CYP7B1: variants seen among roughly 807,000 people sequenced by gnomAD.
The protein encoded by CYP7B1 is cytochrome P450 family 7 subfamily B member 1.
Under a neutral mutation model 42.7 loss-of-function variants are expected in CYP7B1, and 29 were observed. The ratio of observed to expected loss-of-function variants is 0.68; its 90% CI spans 0.51 to 0.93. The LOEUF (loss-of-function observed/expected upper bound fraction) is 0.93. Ranked by LOEUF, CYP7B1 falls within the 40% of genes least tolerant of loss-of-function variation. CYP7B1 has a pLI of 0.00. For missense variants in CYP7B1, 655 were observed against 600.5 expected (o/e 1.09, Z -0.95); for synonymous variants, 235 against 218.2 (o/e 1.08, Z -0.68).
chr8:64,612,121 T>A (rs1563542303), intron 4 of CYP7B1, among the ~76,000 whole-genome samples: 1 of 152,104 alleles, frequency 6.6e-6, no homozygotes, highest in East Asian at 1.9e-4. Flanking sequence ...ATCTTTGTCT[T>A]TCTGAATTAT....
chr8:64,690,879 T>C (rs1806729417), intron 1 of CYP7B1, among the ~76,000 whole-genome samples: 1 of 152,176 alleles, frequency 6.6e-6, no homozygotes, highest in African/African-American at 2.4e-5. Context: ...ACATAAGCAA[T>C]CAGTTTTATG....
chr8:64,722,866 C>A (rs1452370469), intron 1 of CYP7B1, among the ~76,000 whole-genome samples: 2 of 150,744 alleles, frequency 1.3e-5, no homozygotes, highest in Non-Finnish European at 3.0e-5. Context: ...GAAGCCTGAT[C>A]AATCTGTCTT....
intron 1 of CYP7B1, among the ~76,000 whole-genome samples, chr8:64,708,122 G>A (rs1807027134): frequency 6.6e-6 from 1 of 152,134 alleles, no homozygotes; most frequent in Non-Finnish European, 1.5e-5. Flanking sequence ...TCACTGCCCA[G>A]TCATCTGTAT....
At chr8:64,610,543 C>T (rs1200899644) in intron 4 of CYP7B1, among the ~76,000 whole-genome samples, 1 of 152,054 alleles carries the variant, frequency 6.6e-6, no homozygotes, top group Non-Finnish European at 1.5e-5. Flanking sequence ...ACATATCACA[C>T]TAACGTAAAA....
chr8:64,764,229 G>GCCCCCCCCCCCCC (rs59605103), intron 1 of CYP7B1, among the ~76,000 whole-genome samples: 1 of 125,150 alleles, frequency 8.0e-6, no homozygotes, highest in African/African-American at 3.1e-5. Flanking sequence ...CTTCCACGCT[G>GCCCCCCCCCCCCC]CCCCCCCCAC....
At chr8:64,735,712 T>G (rs1184719833) in intron 1 of CYP7B1, among the ~76,000 whole-genome samples, 1 of 152,164 alleles carries the variant, frequency 6.6e-6, no homozygotes, top group African/African-American at 2.4e-5. Flanking sequence ...GAGAGAAAAT[T>G]ATAATTCTTC....
At chr8:64,747,923 G>T (rs1469845090) in intron 1 of CYP7B1, among the ~76,000 whole-genome samples, 1 of 152,034 alleles carries the variant, frequency 6.6e-6, no homozygotes, top group Non-Finnish European at 1.5e-5. Flanking sequence ...AATGGGTAAG[G>T]CTAAAAACTT....
In CYP7B1 at chr8:64,596,473, A is replaced by G; in HGVS notation, c.*169T>C. The G allele has an allele frequency of 1.5e-6, 1 of 664,644 alleles. No individual in the cohort carries two copies. The highest frequency in any genetic ancestry group is 2.1e-5 in the South Asian group (1 of 47,790). 41.2% of individuals were successfully genotyped at this position (664,644 alleles called of 1,614,324 possible). A position where few individuals can be genotyped will look rare whatever the true frequency, so the allele number is the denominator to read the frequency against. ...TCCTGCCACCATCCTGTTTTATATT[A>G]TGATGGGCTTTGTGACTAAGGACAA... On this transcript the variant is annotated 3_prime_UTR_variant, in exon 6 of 6. Transcript: ENST00000310193.
intron 1 of CYP7B1, among the ~76,000 whole-genome samples, chr8:64,651,221 A>G (rs1055912047): frequency 6.6e-6 from 1 of 152,204 alleles, no homozygotes; most frequent in African/African-American, 2.4e-5. Flanking sequence ...GTCTTCTATT[A>G]TGCAGGGTAG....
intron 1 of CYP7B1, among the ~76,000 whole-genome samples, chr8:64,723,011 T>G (rs1006321824): frequency 5.9e-5 from 9 of 152,196 alleles, no homozygotes; most frequent in Non-Finnish European, 8.8e-5. Context: ...GCTGGCTTTT[T>G]TTTCTGCTAA....
downstream of CYP7B1, among the ~76,000 whole-genome samples, chr8:64,589,192 G>A (rs1372261072): frequency 6.6e-6 from 1 of 152,172 alleles, no homozygotes; most frequent in Non-Finnish European, 1.5e-5. Context: ...ATGTTGTCCC[G>A]TGGAGTAGTT....
chr8:64,692,853 C>T (rs181019541), intron 1 of CYP7B1, among the ~76,000 whole-genome samples: 197 of 152,312 alleles, frequency 1.3e-3, no homozygotes, highest in Middle Eastern at 3.4e-3. Flanking sequence ...TTCTTCCAAA[C>T]TGTTCTCGAG....
chr8:64,772,273 A>G (rs1331290212), intron 1 of CYP7B1, among the ~76,000 whole-genome samples: 2 of 152,156 alleles, frequency 1.3e-5, no homozygotes, highest in African/African-American at 4.8e-5. Flanking sequence ...TCTGGGTCAC[A>G]TTGCCCAGAT....
chr8:64,607,776 G>A (rs964113396), intron 4 of CYP7B1, among the ~76,000 whole-genome samples: 2 of 152,188 alleles, frequency 1.3e-5, no homozygotes, highest in East Asian at 3.8e-4. Flanking sequence ...ATCTCTATCT[G>A]TAAATGTTTT....
At chr8:64,639,661 G>A (rs1487453208) in intron 1 of CYP7B1, among the ~76,000 whole-genome samples, 5 of 151,970 alleles carry the variant, frequency 3.3e-5, no homozygotes, top group East Asian at 1.9e-4. Flanking sequence ...CAGGGCTGGC[G>A]GGAATATAAA....
At chr8:64,680,120 A>T (rs925173143) in intron 1 of CYP7B1, among the ~76,000 whole-genome samples, 1 of 151,668 alleles carries the variant, frequency 6.6e-6, no homozygotes, top group Non-Finnish European at 1.5e-5. Context: ...GAGTCTGACT[A>T]TTGTAGATTC....
chr8:64,707,094 T>C (rs1195768997), intron 1 of CYP7B1, among the ~76,000 whole-genome samples: 3 of 151,998 alleles, frequency 2.0e-5, no homozygotes, highest in Non-Finnish European at 4.4e-5. Flanking sequence ...CAAAAATCCA[T>C]ATGTTGTGCA....
intron 1 of CYP7B1, among the ~76,000 whole-genome samples, chr8:64,719,211 T>C (rs1055105414): frequency 1.3e-5 from 2 of 152,186 alleles, no homozygotes; most frequent in African/African-American, 4.8e-5. Context: ...CCATAAGGTC[T>C]CTTTCTCCCC....
At chr8:64,786,645 C>A (rs1178052229) in intron 1 of CYP7B1, among the ~76,000 whole-genome samples, 1 of 152,164 alleles carries the variant, frequency 6.6e-6, no homozygotes, top group African/African-American at 2.4e-5. Flanking sequence ...GTGCTCAGTG[C>A]AAGCTGTCAG....
Sources: gnomAD v4.1 joint callset for allele counts (sites outside exome capture counted in the v4.1 genomes callset) on GRCh38, gnomAD v4.1.1 for gene constraint, MANE v1.5 for transcripts, NCBI Gene and HGNC (gene_info 2026-07-23, HGNC 2026-07-21) for gene names.